Variants in DLG2 observed in about 807,000 individuals in gnomAD.
DLG2 encodes the protein disks large homolog 2.
DLG2 carries 45 observed loss-of-function variants against 132.5 expected under a neutral mutation model. That is an observed-to-expected ratio of 0.34 (90% CI 0.27 to 0.44). The LOEUF (loss-of-function observed/expected upper bound fraction) is 0.44. Among genes scored for constraint, DLG2 ranks in the 20% least tolerant of loss-of-function variants. The pLI is 1.00. For missense variants in DLG2, 1,045 were observed against 1,196.9 expected, an observed-to-expected ratio of 0.87 and a Z score of 1.87; for synonymous variants, 424 against 419.6, an observed-to-expected ratio of 1.01 and a Z score of -0.13.
At chr11:85,288,178 T>C (rs1350181867) in intron 3 of DLG2, among the ~76,000 whole-genome samples, 1 of 151,972 alleles carries the variant, frequency 6.6e-6, no homozygotes, top group Non-Finnish European at 1.5e-5. Context: ...GAATTAAATA[T>C]TATATTTTCA....
intron 3 of DLG2, among the ~76,000 whole-genome samples, chr11:85,577,693 CAGAGTAT>C (rs2078240524): frequency 6.6e-6 from 1 of 152,048 alleles, no homozygotes; most frequent in African/African-American, 2.4e-5. Context: ...TACCTAAGTA[CAGAGTAT>C]AATTTTTTTA....
At chr11:83,511,480 T>C (rs896241979) in intron 21 of DLG2, among the ~76,000 whole-genome samples, 2 of 152,188 alleles carry the variant, frequency 1.3e-5, no homozygotes, top group Non-Finnish European at 1.5e-5. Context: ...ATATCCACTA[T>C]GTGAAGATTT....
At chr11:85,015,054 A>G (rs937243896) in intron 6 of DLG2, among the ~76,000 whole-genome samples, 7 of 152,176 alleles carry the variant, frequency 4.6e-5, no homozygotes, top group African/African-American at 1.7e-4. Context: ...ACTCAGAATA[A>G]TGGTGTCTCT....
At chr11:85,131,539 A>G (rs2075709731) in intron 5 of DLG2, among the ~76,000 whole-genome samples, 2 of 152,132 alleles carry the variant, frequency 1.3e-5, no homozygotes, top group African/African-American at 4.8e-5. Context: ...TTACTGATTT[A>G]ACTGGAATAC....
chr11:83,985,240 T>A (rs1369624074), intron 11 of DLG2, among the ~76,000 whole-genome samples: 1 of 152,118 alleles, frequency 6.6e-6, no homozygotes, highest in African/African-American at 2.4e-5. Context: ...CTGTCCCCCA[T>A]CCCTGTTATT....
rs773221097 is a variant in DLG2, at chr11:83,553,888, TC to T, written c.1941-12031del. On this transcript the variant is annotated intron_variant, in intron 19 of 27. Coordinates refer to ENST00000376104, the MANE Select transcript of DLG2 (RefSeq NM_001142699.3). ...ATTTTATTCCAATAGCACAATCTTT[TC>T]TTTTTTTTTCTTTTTTTTTTTTTTG... 2.1e-3 allele frequency among the ~76,000 whole-genome samples: 231 copies of T among 109,222 alleles called. 2 individuals are homozygous for T. Among genetic ancestry groups the T allele is most frequent in the Middle Eastern group, 0.02 (5 of 254 alleles). 71.7% of individuals were successfully genotyped at this position (109,222 alleles called of 152,430 possible).
At chr11:84,583,805 G>A (rs188539418) in intron 6 of DLG2, among the ~76,000 whole-genome samples, 99 of 152,070 alleles carry the variant, frequency 6.5e-4, no homozygotes, top group African/African-American at 2.4e-3. Context: ...CTTCATAAAA[G>A]TGTTATCATA....
chr11:84,297,730 T>G (rs1052740550), intron 7 of DLG2, among the ~76,000 whole-genome samples: 1 of 152,044 alleles, frequency 6.6e-6, no homozygotes, highest in African/African-American at 2.4e-5. Flanking sequence ...GCCGACTTCC[T>G]TCCATGCCCC....
chr11:84,045,966 C>G (rs1414233002), intron 11 of DLG2, among the ~76,000 whole-genome samples: 1 of 151,388 alleles, frequency 6.6e-6, no homozygotes. Context: ...CTACTTTCAG[C>G]TCAATTATAG....
intron 6 of DLG2, among the ~76,000 whole-genome samples, chr11:84,884,921 C>T (rs1394370808): frequency 6.6e-6 from 1 of 151,990 alleles, no homozygotes; most frequent in East Asian, 1.9e-4. Context: ...GTAAAATGTC[C>T]CTTTGTCCAG....
At chr11:85,434,394 T>A (rs1294393103) in intron 3 of DLG2, among the ~76,000 whole-genome samples, 1 of 150,346 alleles carries the variant, frequency 6.7e-6, no homozygotes. Context: ...GCTGTTTTTT[T>A]TGAAAAAATT....
At chr11:85,390,323 C>T (rs2086690058) in intron 3 of DLG2, among the ~76,000 whole-genome samples, 1 of 151,982 alleles carries the variant, frequency 6.6e-6, no homozygotes, top group Non-Finnish European at 1.5e-5. Flanking sequence ...AATATATATG[C>T]ACCTGACATT....
At chr11:83,754,939 T>C (rs1413333347) in intron 18 of DLG2, among the ~76,000 whole-genome samples, 1 of 151,352 alleles carries the variant, frequency 6.6e-6, no homozygotes, top group African/African-American at 2.5e-5. Context: ...CTAACTTGCC[T>C]CCAGGAAAAT....
At chr11:85,477,571 G>C (rs1037640276) in intron 3 of DLG2, among the ~76,000 whole-genome samples, 5 of 152,158 alleles carry the variant, frequency 3.3e-5, no homozygotes, top group African/African-American at 1.2e-4. Context: ...TTTCTGGCTA[G>C]TGTTTCTGAG....
intron 3 of DLG2, among the ~76,000 whole-genome samples, chr11:85,503,473 T>C (rs1418493408): frequency 6.6e-6 from 1 of 152,100 alleles, no homozygotes; most frequent in East Asian, 1.9e-4. Flanking sequence ...ATGGTTTGAA[T>C]GTTCCCTCCA....
intron 21 of DLG2, among the ~76,000 whole-genome samples, chr11:83,493,336 T>TTTCTTTCCTTCCTTCC (rs1351498007): frequency 1.5e-5 from 2 of 132,060 alleles, no homozygotes; most frequent in South Asian, 2.7e-4. Flanking sequence ...CTTTTCTTTC[T>TTTCTTTCCTTCCTTCC]TTCCTTCCTT....
intron 7 of DLG2, among the ~76,000 whole-genome samples, chr11:84,277,041 T>C (rs1002447595): frequency 6.6e-6 from 1 of 152,286 alleles, no homozygotes; most frequent in East Asian, 1.9e-4. Flanking sequence ...AGGAATCCAG[T>C]TGTGGCCAAT....
intron 3 of DLG2, among the ~76,000 whole-genome samples, chr11:85,338,882 T>A (rs983758513): frequency 2.6e-5 from 4 of 151,996 alleles, no homozygotes; most frequent in African/African-American, 9.7e-5. Context: ...TCTTTTGTAC[T>A]TTTAGTAGAG....
At chr11:84,835,037 C>G (rs2079558951) in intron 6 of DLG2, among the ~76,000 whole-genome samples, 1 of 151,614 alleles carries the variant, frequency 6.6e-6, no homozygotes, top group Admixed American at 6.6e-5. Context: ...GACAGTGATA[C>G]AGCATGCAGA....
Sources: allele counts gnomAD v4.1 joint callset (sites outside exome capture counted in the v4.1 genomes callset), GRCh38; gene constraint gnomAD v4.1.1; transcripts MANE v1.5; gene names NCBI Gene and HGNC (gene_info 2026-07-23, HGNC 2026-07-21).